Variants in AGAP1 observed in about 807,000 individuals in gnomAD.
The protein encoded by AGAP1 is ArfGAP with GTPase domain, ankyrin repeat and PH domain 1, also known as arf-GAP with GTPase, ANK repeat and PH domain-containing protein 1.
AGAP1 carries 29 observed loss-of-function variants against 105.3 expected under a neutral mutation model. The observed-to-expected ratio is 0.28, with a 90% CI of 0.21 to 0.38. AGAP1 has a LOEUF of 0.38. Among genes scored for constraint, AGAP1 ranks in the 10% least tolerant of loss-of-function variants. The probability of loss-of-function intolerance (pLI) is 1.00; values close to 1 mark genes in which losing one functional copy is unlikely to be tolerated. For synonymous variants in AGAP1, 509 were observed against 485.9 expected (o/e 1.05, Z -0.63); for missense variants, 998 against 1,165.1 (o/e 0.86, Z 2.09).
At chr2:235,812,480 C>G (rs909271010) in intron 9 of AGAP1, among the ~76,000 whole-genome samples, 1 of 152,204 alleles carries the variant, frequency 6.6e-6, no homozygotes, top group Non-Finnish European at 1.5e-5. Context: ...CCTGTGTTGT[C>G]TGGTACCTGG....
chr2:235,799,641 A>T lies in AGAP1; in HGVS notation c.957+119A>T. On this transcript the variant is annotated intron_variant, in intron 8 of 17. Coordinates refer to ENST00000304032, the MANE Select transcript of AGAP1 (RefSeq NM_001037131.3). This position sits in a 1 kb window ranked among gnomAD's most constrained non-coding sequence, Gnocchi z 5.0. ...GAATCTCAACTATATTAAAGTGAAT[A>T]ACATTGATTTCTGTGGAGGACTAAG... The T allele has an allele frequency of 8.6e-7, 1 of 1,157,894 alleles. No individual in the cohort carries two copies. Among genetic ancestry groups the T allele is most frequent in the South Asian group, 1.9e-5 (1 of 53,648 alleles). The allele number at this position is 1,157,894 out of a possible 1,614,324, so 71.7% of individuals were successfully genotyped here.
At chr2:235,894,871 C>T (rs981725815) in intron 10 of AGAP1, among the ~76,000 whole-genome samples, 11 of 152,212 alleles carry the variant, frequency 7.2e-5, no homozygotes, top group African/African-American at 1.9e-4. Flanking sequence ...TTGCCCCACC[C>T]GCTTCCATGT....
chr2:235,999,655 T>C (rs1158393776), intron 13 of AGAP1, among the ~76,000 whole-genome samples: 1 of 150,572 alleles, frequency 6.6e-6, no homozygotes, highest in African/African-American at 2.4e-5. Context: ...TGGTGAGAGG[T>C]GGTGGTGGTG....
chr2:235,607,964 G>A (rs1460594084), intron 1 of AGAP1, among the ~76,000 whole-genome samples: 2 of 152,184 alleles, frequency 1.3e-5, no homozygotes, highest in Non-Finnish European at 2.9e-5. Context: ...CTAGATCTTC[G>A]AGTTTTGACT....
In AGAP1 at chr2:235,971,746, TTTATTTATTTATTTA is replaced by T. The variant is rs1437990697; in HGVS notation, c.1645+3126_1645+3140del. On this transcript the variant is annotated intron_variant, in intron 13 of 17. Transcript: ENST00000304032. The surrounding 1 kb of genome is among the most constrained non-coding windows in gnomAD (Gnocchi z 4.8). ...AGCTAGTTATATATGTTTTATTTTATTTATTTATTTATTTATTTATTTATTTATTTATTTATTTAT... is the reference window on the plus strand; with the variant it reads ...AGCTAGTTATATATGTTTTATTTTATTTTATTTATTTATTTATTTATTTAT... Among the ~76,000 whole-genome samples the T allele has an allele frequency of 1.7e-4, 16 of 91,952 alleles. No homozygotes were observed. The highest frequency in any genetic ancestry group is 7.1e-4 in the African/African-American group (16 of 22,432). The allele number at this position is 91,952 out of a possible 152,430, so 60.3% of individuals were successfully genotyped here.
chr2:235,956,237 A>G (rs769815369), intron 12 of AGAP1, among the ~76,000 whole-genome samples: 1 of 152,216 alleles, frequency 6.6e-6, no homozygotes, highest in South Asian at 2.1e-4. Context: ...TCCACCTAAC[A>G]GCGCTGCGCA....
In AGAP1 at chr2:235,728,235, A is replaced by G. The variant is rs1951747065; in HGVS notation, c.310+10591A>G. Reference sequence around the variant, plus strand: ...CTGAGATGTAGTGAAAGTGCCCCCAAGCTCCCCGCTCCATTTCATGTGCTA... The same window carrying G: ...CTGAGATGTAGTGAAAGTGCCCCCAGGCTCCCCGCTCCATTTCATGTGCTA... On this transcript the variant is annotated intron_variant, in intron 3 of 17. Coordinates refer to ENST00000304032, the MANE Select transcript of AGAP1 (RefSeq NM_001037131.3). This position sits in a 1 kb window ranked among gnomAD's most constrained non-coding sequence, Gnocchi z 4.3. Among the ~76,000 whole-genome samples, 1 of 151,896 alleles carries G rather than the reference A, an allele frequency of 6.6e-6. No homozygotes were observed. The highest frequency in any genetic ancestry group is 2.1e-4 in the South Asian group (1 of 4,808).
rs1161694712 is a variant in AGAP1, at chr2:236,127,331, G to A, written c.*3209G>A. The A allele has an allele frequency of 1.3e-5, 2 of 152,244 alleles. No individual in the cohort carries two copies. The highest frequency in any genetic ancestry group is 2.9e-5 in the Non-Finnish European group (2 of 68,084). 9.4% of individuals were successfully genotyped at this position (152,244 alleles called of 1,614,324 possible). A position where few individuals can be genotyped will look rare whatever the true frequency, so the allele number is the denominator to read the frequency against. On this transcript the variant is annotated 3_prime_UTR_variant, in exon 18 of 18. Transcript: ENST00000304032. This position sits in a 1 kb window ranked among gnomAD's most constrained non-coding sequence, Gnocchi z 6.6. ...CTCTCTCTGTTTCATCCCAGGAAATGAGCAGCTCGAGGGTGAGCAAGTGAC... is the reference window on the plus strand; with the variant it reads ...CTCTCTCTGTTTCATCCCAGGAAATAAGCAGCTCGAGGGTGAGCAAGTGAC...
intron 12 of AGAP1, among the ~76,000 whole-genome samples, chr2:235,950,884 G>A (rs2053704065): frequency 7.7e-6 from 1 of 129,110 alleles, no homozygotes; most frequent in Admixed American, 8.6e-5. Context: ...GGATCTCCAA[G>A]CACTTTTTTT....
At chr2:235,568,720 A>G (rs560308213) in intron 1 of AGAP1, among the ~76,000 whole-genome samples, 5 of 152,342 alleles carry the variant, frequency 3.3e-5, no homozygotes, top group Admixed American at 1.3e-4. Flanking sequence ...AGAAGTCCTT[A>G]AATGCATCCA....
At chr2:235,876,936 C>T (rs963196728) in intron 9 of AGAP1, among the ~76,000 whole-genome samples, 6 of 151,538 alleles carry the variant, frequency 4.0e-5, no homozygotes, top group African/African-American at 1.5e-4. Flanking sequence ...CAACCTCTGC[C>T]TCCCGGGTTC....
At chr2:235,828,822 G>T (rs112047821) in intron 9 of AGAP1, among the ~76,000 whole-genome samples, 1 of 152,172 alleles carries the variant, frequency 6.6e-6, no homozygotes, top group Non-Finnish European at 1.5e-5. Context: ...AAGATAATGG[G>T]TGTCATTTTG....
intron 12 of AGAP1, among the ~76,000 whole-genome samples, chr2:235,933,536 A>ATTTTTTTTTTTTTTTTTTTTTTTTTTT (rs71036300): frequency 2.1e-5 from 3 of 141,986 alleles, no homozygotes; most frequent in African/African-American, 7.9e-5. Flanking sequence ...TTTTCTAAGG[A>ATTTTTTTTTTTTTTTTTTTTTTTTTTT]TTTTTTTTTT....
At chr2:235,839,920 G>C (rs757687941) in intron 9 of AGAP1, among the ~76,000 whole-genome samples, 6 of 152,154 alleles carry the variant, frequency 3.9e-5, no homozygotes, top group Admixed American at 6.5e-5. Context: ...AAAGAATTAC[G>C]AACTTCTGTT....
chr2:235,995,605 A>C (rs2055777579), intron 13 of AGAP1, among the ~76,000 whole-genome samples: 2 of 152,222 alleles, frequency 1.3e-5, no homozygotes, highest in South Asian at 4.1e-4. Flanking sequence ...CGTGCACGGC[A>C]GCCCCACAAC....
At chr2:235,630,958 C>T (rs900425611) in intron 1 of AGAP1, among the ~76,000 whole-genome samples, 2 of 152,174 alleles carry the variant, frequency 1.3e-5, no homozygotes, top group Non-Finnish European at 2.9e-5. Flanking sequence ...AGCCGCTGCA[C>T]GAGAGGGGCA....
chr2:235,942,503 C>T (rs1375033717), intron 12 of AGAP1, among the ~76,000 whole-genome samples: 1 of 151,952 alleles, frequency 6.6e-6, no homozygotes. Context: ...CATGGAGATA[C>T]CCCGTCTCTG....
chr2:235,894,599 A>C (rs539495568), intron 10 of AGAP1, among the ~76,000 whole-genome samples: 1 of 150,278 alleles, frequency 6.7e-6, no homozygotes, highest in Admixed American at 6.6e-5. Context: ...ATACACACAC[A>C]CATACACACA....
At chr2:235,807,365 C>T (rs1306164121) in intron 9 of AGAP1, 34 bp downstream of exon 9, 11 of 1,551,484 alleles carry the variant, frequency 7.1e-6, no homozygotes, top group Non-Finnish European at 9.5e-6. Context: ...CTCCCTGTCG[C>T]CGGAGATACA....
Sources: gnomAD v4.1 joint callset for allele counts (sites outside exome capture counted in the v4.1 genomes callset) on GRCh38, gnomAD v4.1.1 for gene constraint, Gnocchi (gnomAD v3.1) non-coding constraint, MANE v1.5 for transcripts, NCBI Gene and HGNC (gene_info 2026-07-23, HGNC 2026-07-21) for gene names.